The following RARA variants were observed in gnomAD, a reference collection of about 807,000 sequenced individuals.
RARA encodes retinoic acid receptor alpha, also known as PML-DDX5-RARA fusion.
A neutral mutation model predicts 42.8 loss-of-function variants in RARA; 5 were observed. The observed-to-expected ratio is 0.12, with a 90% CI of 0.06 to 0.25. The LOEUF (loss-of-function observed/expected upper bound fraction) is 0.25. Ranked by LOEUF, RARA falls within the 10% of genes least tolerant of loss-of-function variation. RARA has a pLI of 1.00. For missense variants in RARA, 402 were observed against 628.7 expected (o/e 0.64, Z 3.86); for synonymous variants, 256 against 259.5 (o/e 0.99, Z 0.13).
chr17:40,350,026 A>G, intron 4 of RARA, 101 bp downstream of exon 4: 1 of 1,510,866 alleles, frequency 6.6e-7, no homozygotes, highest in Non-Finnish European at 9.0e-7. Flanking sequence ...GTGCACATGC[A>G]TGAACACGCA....
intron 2 of RARA, chr17:40,341,909 T>C: frequency 1.8e-6 from 2 of 1,095,026 alleles, no homozygotes; most frequent in Non-Finnish European, 2.3e-6. Flanking sequence ...TCGGCGTCCC[T>C]CTGTACTCTG....
intron 1 of RARA, among the ~76,000 whole-genome samples, chr17:40,330,529 G>T (rs1339196356): frequency 1.3e-5 from 2 of 152,122 alleles, no homozygotes; most frequent in East Asian, 3.9e-4. Flanking sequence ...AACCCTCACT[G>T]GGGGAAGGAG....
chr17:40,321,943 C>T (rs2033401172), intron 1 of RARA, among the ~76,000 whole-genome samples: 1 of 152,302 alleles, frequency 6.6e-6, no homozygotes, highest in East Asian at 1.9e-4. Context: ...TGACCCCCAC[C>T]CCCATCCCTG....
At chr17:40,313,480 G>GA (rs2033133979) in intron 1 of RARA, among the ~76,000 whole-genome samples, 1 of 152,160 alleles carries the variant, frequency 6.6e-6, no homozygotes, top group African/African-American at 2.4e-5. Context: ...TCTCCCCACA[G>GA]GCCACCATGC....
At chr17:40,350,093 G>A in intron 4 of RARA, 168 bp downstream of exon 4, 1 of 1,075,168 alleles carries the variant, frequency 9.3e-7, no homozygotes, top group Non-Finnish European at 1.3e-6. Flanking sequence ...GCAAGGACCT[G>A]TTTGCGAGTC....
At chr17:40,341,665 G>C (rs1331822570) in intron 2 of RARA, 21 of 1,344,088 alleles carry the variant, frequency 1.6e-5, no homozygotes, top group African/African-American at 7.7e-5. Flanking sequence ...TTCAGCGAGA[G>C]TTCAGCCGCA....
chr17:40,312,737 G>T (rs953918166), intron 1 of RARA, among the ~76,000 whole-genome samples: 4 of 152,180 alleles, frequency 2.6e-5, no homozygotes, highest in African/African-American at 9.7e-5. Context: ...TCTTTATCCA[G>T]CTGGACTCAG....
In RARA at chr17:40,326,412, C is replaced by A. The variant is rs2033547063; in HGVS notation, c.-362-4445C>A. The A allele has an allele frequency of 6.6e-6, 1 of 152,290 alleles. No homozygotes were observed. Among genetic ancestry groups the A allele is most frequent in the Non-Finnish European group, 1.5e-5 (1 of 68,068 alleles). 9.4% of individuals were successfully genotyped at this position (152,290 alleles called of 1,614,324 possible). A position where few individuals can be genotyped will look rare whatever the true frequency, so the allele number is the denominator to read the frequency against. On this transcript the variant is annotated intron_variant, in intron 1 of 8. Transcript: ENST00000254066. This position sits in a 1 kb window ranked among gnomAD's most constrained non-coding sequence, Gnocchi z 5.2. ...AGAGTGGCAGAGCTGAGATTTGACC[C>A]TTCCGACTTCTGGTTCTTTCTCCCA...
chr17:40,346,061 G>C lies in RARA; in HGVS notation c.179-2255G>C, dbSNP rs540096535. 1.0e-3 allele frequency among the ~76,000 whole-genome samples: 156 copies of C among 152,314 alleles called. 1 individual carries two copies. The highest frequency in any genetic ancestry group is 3.5e-3 in the African/African-American group (146 of 41,574). On this transcript the variant is annotated intron_variant, in intron 2 of 8. Transcript: ENST00000254066. The stretch of plus-strand genomic sequence containing the variant: ...CAAGCTGCCGTTGGGTGGGCTAAAA[G>C]GAGGCCTTGCCCAGCCTAAACTGTA...
At position 40,355,196 on chromosome 17, in the gene RARA, C is replaced by T. The variant is rs942273100; in HGVS notation, c.1013-67C>T. The T allele has an allele frequency of 1.3e-6, 2 of 1,499,022 alleles. No individual in the cohort carries two copies. Among genetic ancestry groups the T allele is most frequent in the African/African-American group, 1.4e-5 (1 of 71,756 alleles). 92.9% of individuals were successfully genotyped at this position (1,499,022 alleles called of 1,614,324 possible). On this transcript the variant is annotated intron_variant, in intron 7 of 8. Coordinates refer to ENST00000254066, the MANE Select transcript of RARA (RefSeq NM_000964.4). The surrounding 1 kb of genome is among the most constrained non-coding windows in gnomAD (Gnocchi z 4.1). ...CTCCATGGCCTGGGCAGGCACGCCC[C>T]CCGGTGGCCGAGGCTGGGGGTGCAG...
chr17:40,325,252 A>T (rs1038040449), intron 1 of RARA, among the ~76,000 whole-genome samples: 2 of 141,532 alleles, frequency 1.4e-5, no homozygotes. Flanking sequence ...CTCCATCTCA[A>T]AAATAAATAA....
At position 40,326,560 on chromosome 17, in the gene RARA, G is replaced by T. The variant is rs548781201; in HGVS notation, c.-362-4297G>T. On this transcript the variant is annotated intron_variant, in intron 1 of 8. Transcript: ENST00000254066. The surrounding 1 kb of genome is among the most constrained non-coding windows in gnomAD (Gnocchi z 5.2). ...CCTGGCACCTTCTGAGGGTGAGAGC[G>T]GCCCCAGTGGGCAGGAGTGTGGGGC... 3.3e-5 allele frequency: 5 copies of T among 152,480 alleles called. No homozygotes were observed. Among genetic ancestry groups the T allele is most frequent in the African/African-American group, 1.2e-4 (5 of 41,426 alleles). 9.4% of individuals were successfully genotyped at this position (152,480 alleles called of 1,614,324 possible).
chr17:40,349,472 A>T (rs910616642), intron 3 of RARA: 25 of 299,720 alleles, frequency 8.3e-5, no homozygotes, highest in Non-Finnish European at 1.3e-4. Context: ...AGTTAGCCCC[A>T]TGTCTTCCTA....
chr17:40,342,820 C>A, intron 2 of RARA: 1 of 1,613,092 alleles, frequency 6.2e-7, no homozygotes, highest in Non-Finnish European at 8.5e-7. Context: ...GCCCCGGGTC[C>A]GTACTCCACC....
intron 1 of RARA, among the ~76,000 whole-genome samples, chr17:40,330,437 G>C (rs961040074): frequency 2.6e-5 from 4 of 152,154 alleles, no homozygotes; most frequent in African/African-American, 9.7e-5. Context: ...TTTCTGAGAA[G>C]TGCCAATGCT....
At chr17:40,331,474 T>A in intron 2 of RARA, 78 bp downstream of exon 2, 1 of 1,480,214 alleles carries the variant, frequency 6.8e-7, no homozygotes, top group South Asian at 1.3e-5. Flanking sequence ...TCTGGGCACG[T>A]CTGTTCTGCT....
intron 2 of RARA, among the ~76,000 whole-genome samples, chr17:40,347,006 G>A (rs922878525): frequency 2.0e-5 from 3 of 152,234 alleles, no homozygotes; most frequent in African/African-American, 7.2e-5. Flanking sequence ...CAGGTAAGGG[G>A]GGAGGGTGGT....
At chr17:40,328,700 T>C (rs1176928001) in intron 1 of RARA, among the ~76,000 whole-genome samples, 2 of 152,236 alleles carry the variant, frequency 1.3e-5, no homozygotes, top group East Asian at 3.8e-4. Context: ...ATGGTCTTTG[T>C]AACCGGTATA....
At chr17:40,341,337 T>C (rs1434835340) in intron 2 of RARA, 1 of 1,418,108 alleles carries the variant, frequency 7.1e-7, no homozygotes, top group African/African-American at 1.5e-5. Flanking sequence ...TGCCTGTGTT[T>C]GTGCCAACAG....
Sources: allele counts gnomAD v4.1 joint callset (sites outside exome capture counted in the v4.1 genomes callset), GRCh38; gene constraint gnomAD v4.1.1; non-coding constraint Gnocchi (gnomAD v3.1); transcripts MANE v1.5; gene names NCBI Gene and HGNC (gene_info 2026-07-23, HGNC 2026-07-21).